CCDC148: variants seen among roughly 807,000 people sequenced by gnomAD.
CCDC148 encodes coiled-coil domain-containing protein 148.
Under a neutral mutation model 85.7 loss-of-function variants are expected in CCDC148, and 89 were observed. The observed-to-expected ratio is 1.04, with a 90% CI of 0.87 to 1.24. CCDC148 has a LOEUF of 1.24. Ranked by LOEUF, CCDC148 falls within the 50% of genes most tolerant of loss-of-function variation. CCDC148 has a pLI of 0.00. For synonymous variants in CCDC148, 230 were observed against 213.9 expected, an observed-to-expected ratio of 1.08 and a Z score of -0.66; for missense variants, 692 against 671.7, an observed-to-expected ratio of 1.03 and a Z score of -0.33.
intron 8 of CCDC148, among the ~76,000 whole-genome samples, chr2:158,310,602 A>G (rs1376938093): frequency 6.6e-6 from 1 of 151,460 alleles, no homozygotes; most frequent in Non-Finnish European, 1.5e-5. Context: ...CTCACTTCTC[A>G]GACGGGGCGG....
chr2:158,387,840 C>A (rs1335114143), intron 1 of CCDC148, among the ~76,000 whole-genome samples: 6 of 152,188 alleles, frequency 3.9e-5, no homozygotes, highest in Admixed American at 3.9e-4. Context: ...GCCGCCCTTA[C>A]ACATAAATGT....
chr2:158,262,599 G>A (rs1278187476), intron 9 of CCDC148, among the ~76,000 whole-genome samples: 1 of 151,946 alleles, frequency 6.6e-6, no homozygotes, highest in African/African-American at 2.4e-5. Flanking sequence ...CATGGCTAGG[G>A]AGGCCTCAGG....
chr2:158,313,813 CCTT>C lies in CCDC148; in HGVS notation c.843_845del (p.Arg282del). The stretch of plus-strand genomic sequence containing the variant: ...TTTGTAACATGTCCAGATACAGAGT[CCTT>C]CTTCCAAAGAGATCTCCAGGGTACT... On this transcript the variant is annotated inframe_deletion, in exon 8 of 14. Coordinates refer to ENST00000283233, the MANE Select transcript of CCDC148 (RefSeq NM_138803.4). 1 of 1,613,906 alleles carries C rather than the reference CCTT, an allele frequency of 6.2e-7. No homozygotes were observed. The highest frequency in any genetic ancestry group is 8.5e-7 in the Non-Finnish European group (1 of 1,179,900).
At chr2:158,184,424 T>TG (rs1195080622) in intron 11 of CCDC148, among the ~76,000 whole-genome samples, 2 of 152,176 alleles carry the variant, frequency 1.3e-5, no homozygotes, top group Non-Finnish European at 2.9e-5. Context: ...GTTATAATAG[T>TG]GGGGGGAAAT....
At chr2:158,202,466 G>A (rs1414576080) in intron 11 of CCDC148, among the ~76,000 whole-genome samples, 1 of 152,210 alleles carries the variant, frequency 6.6e-6, no homozygotes, top group East Asian at 1.9e-4. Flanking sequence ...ACCCAAGTAT[G>A]TAAGAATATT....
At chr2:158,299,153 G>A (rs1691329284) in intron 9 of CCDC148, among the ~76,000 whole-genome samples, 1 of 152,132 alleles carries the variant, frequency 6.6e-6, no homozygotes, top group Non-Finnish European at 1.5e-5. Context: ...TCAACCGAAT[G>A]TCTAGAGAGT....
chr2:158,325,365 C>T (rs1165762556), intron 7 of CCDC148, among the ~76,000 whole-genome samples: 1 of 152,178 alleles, frequency 6.6e-6, no homozygotes, highest in Non-Finnish European at 1.5e-5. Flanking sequence ...ACTTCCTCTT[C>T]ACTTGCCTTC....
chr2:158,207,214 C>T (rs1357985957), intron 11 of CCDC148, among the ~76,000 whole-genome samples: 1 of 152,202 alleles, frequency 6.6e-6, no homozygotes, highest in African/African-American at 2.4e-5. Flanking sequence ...CGCAGGCATT[C>T]ACTGCATCAC....
chr2:158,295,471 C>A (rs957244897), intron 9 of CCDC148, among the ~76,000 whole-genome samples: 1 of 151,586 alleles, frequency 6.6e-6, no homozygotes, highest in Non-Finnish European at 1.5e-5. Context: ...CGCGAAAATC[C>A]TCAATAAAAT....
At chr2:158,297,675 A>G (rs1006798894) in intron 9 of CCDC148, among the ~76,000 whole-genome samples, 1 of 152,216 alleles carries the variant, frequency 6.6e-6, no homozygotes, top group Non-Finnish European at 1.5e-5. Context: ...TAGAAAGCTC[A>G]TAAAATCTGT....
chr2:158,272,045 CTCCAA>C (rs1470559321), intron 9 of CCDC148, among the ~76,000 whole-genome samples: 5 of 152,166 alleles, frequency 3.3e-5, no homozygotes, highest in African/African-American at 1.2e-4. Context: ...ATTTCCACTT[CTCCAA>C]TCCAAGTTCA....
chr2:158,206,467 G>A (rs1228313352), intron 11 of CCDC148, among the ~76,000 whole-genome samples: 1 of 152,214 alleles, frequency 6.6e-6, no homozygotes, highest in Non-Finnish European at 1.5e-5. Flanking sequence ...GGTCCAGACA[G>A]AAGCAGAGTG....
chr2:158,265,690 G>A (rs571195184), intron 9 of CCDC148, among the ~76,000 whole-genome samples: 2 of 152,058 alleles, frequency 1.3e-5, no homozygotes, highest in South Asian at 4.2e-4. Flanking sequence ...AACCCACTGG[G>A]GCCTCAGTAC....
intron 1 of CCDC148, among the ~76,000 whole-genome samples, chr2:158,380,557 G>A (rs1684827541): frequency 6.6e-6 from 1 of 152,064 alleles, no homozygotes; most frequent in Admixed American, 6.6e-5. Flanking sequence ...CTTCCAAATT[G>A]ATTTATACAA....
chr2:158,435,803 C>CAA (rs1208121286), intron 1 of CCDC148, among the ~76,000 whole-genome samples: 53 of 151,174 alleles, frequency 3.5e-4, no homozygotes, highest in South Asian at 1.7e-3. Flanking sequence ...AAATAGAAAA[C>CAA]AAAAAAAAGC....
At chr2:158,433,473 A>C (rs1362637962) in intron 1 of CCDC148, among the ~76,000 whole-genome samples, 1 of 152,040 alleles carries the variant, frequency 6.6e-6, no homozygotes, top group Non-Finnish European at 1.5e-5. Context: ...TAAGACAAAC[A>C]ACCTAATTTT....
At chr2:158,334,523 ATTTATT>A (rs1023499772) in intron 7 of CCDC148, among the ~76,000 whole-genome samples, 16 of 67,266 alleles carry the variant, frequency 2.4e-4, no homozygotes, top group African/African-American at 5.7e-4. Flanking sequence ...CTTCAAGATT[ATTTATT>A]TTTATTTTTA....
intron 9 of CCDC148, among the ~76,000 whole-genome samples, chr2:158,281,919 C>CATAA (rs1256154740): frequency 1.3e-5 from 2 of 151,800 alleles, no homozygotes; most frequent in Non-Finnish European, 1.5e-5. Flanking sequence ...CATGAAAAAG[C>CATAA]TTATCCACCA....
intron 1 of CCDC148, among the ~76,000 whole-genome samples, chr2:158,417,336 C>T (rs932645953): frequency 6.6e-5 from 10 of 152,216 alleles, no homozygotes; most frequent in African/African-American, 1.9e-4. Context: ...GTGTACCACC[C>T]AGATCTCCTT....
Sources: gnomAD v4.1 joint callset for allele counts (sites outside exome capture counted in the v4.1 genomes callset) on GRCh38, gnomAD v4.1.1 for gene constraint, MANE v1.5 for transcripts, NCBI Gene and HGNC (gene_info 2026-07-23, HGNC 2026-07-21) for gene names.